Variants in CDH13 observed in about 807,000 individuals in gnomAD.
The protein encoded by CDH13 is cadherin-13.
Under a neutral mutation model 63.8 loss-of-function variants are expected in CDH13, and 24 were observed. The observed-to-expected ratio is 0.38, with a 90% CI of 0.27 to 0.53. The LOEUF is 0.53. CDH13 is among the 20% of genes least tolerant of loss of function. CDH13 has a pLI of 0.85. For synonymous variants in CDH13, 503 were observed against 355.3 expected (o/e 1.42, Z -4.67); for missense variants, 1,049 against 903.1 (o/e 1.16, Z -2.07).
chr16:83,423,590 TA>T (rs2071783928), intron 6 of CDH13, among the ~76,000 whole-genome samples: 1 of 152,304 alleles, frequency 6.6e-6, no homozygotes, highest in South Asian at 2.1e-4. Flanking sequence ...TTCCTATTAT[TA>T]CCTAGGCACA....
intron 3 of CDH13, among the ~76,000 whole-genome samples, chr16:83,116,111 C>G (rs1597365132): frequency 1.3e-5 from 2 of 152,218 alleles, no homozygotes; most frequent in East Asian, 1.9e-4. Context: ...ACAGACAAAA[C>G]TTGGAGTGCG....
chr16:82,639,231 G>T, intron 1 of CDH13: 2 of 500,758 alleles, frequency 4.0e-6, no homozygotes, highest in Admixed American at 3.5e-5. Context: ...CTACTTTTTT[G>T]AGTTCCTAGT....
intron 1 of CDH13, chr16:82,727,623 A>G (rs1245486858): frequency 6.6e-6 from 1 of 152,202 alleles, no homozygotes; most frequent in African/African-American, 2.4e-5. Flanking sequence ...CTCCTTGCTC[A>G]TATCATTTAT....
intron 5 of CDH13, among the ~76,000 whole-genome samples, chr16:83,335,072 A>T (rs891250457): frequency 1.3e-4 from 20 of 152,212 alleles, no homozygotes; most frequent in Admixed American, 1.3e-3. Context: ...TCACTTAAAA[A>T]ATCTTCCAAT....
At chr16:83,115,834 A>G (rs1262269578) in intron 3 of CDH13, among the ~76,000 whole-genome samples, 3 of 152,204 alleles carry the variant, frequency 2.0e-5, no homozygotes, top group South Asian at 2.1e-4. Context: ...ATTTCTCCCT[A>G]TCACTTTTTC....
In CDH13 at chr16:83,780,000, C is replaced by A. The variant is rs1230828921; in HGVS notation, c.1714C>A (p.Leu572Met). 1 of 1,612,972 alleles carries A rather than the reference C, an allele frequency of 6.2e-7. No individual in the cohort carries two copies. The highest frequency in any genetic ancestry group is 1.7e-5 in the Admixed American group (1 of 60,004). ...NPPATGTGTL[L>M]ITLEDVNDNA... ...TCCCGCTACGGGCACTGGGACTTTG[C>A]TGATAACCCTGGAGGACGTGAATGA... The change falls in exon 12 of 14, where the codon CTG becomes ATG. Residue 572 changes from leucine (L) to methionine (M), a missense_variant. Coordinates refer to ENST00000567109, the MANE Select transcript of CDH13 (RefSeq NM_001257.5).
At chr16:82,734,500 C>T (rs1028817431) in intron 1 of CDH13, among the ~76,000 whole-genome samples, 2 of 152,074 alleles carry the variant, frequency 1.3e-5, no homozygotes, top group African/African-American at 4.8e-5. Context: ...ACGTGGGGGC[C>T]ACTGTAGGGG....
chr16:83,315,654 C>G (rs79423581), intron 5 of CDH13, among the ~76,000 whole-genome samples: 1 of 145,564 alleles, frequency 6.9e-6, no homozygotes, highest in South Asian at 2.2e-4. Flanking sequence ...AAAAAAAAAA[C>G]AGCTCTAAGA....
At chr16:82,726,295 C>T (rs2033090796) in intron 1 of CDH13, among the ~76,000 whole-genome samples, 1 of 152,116 alleles carries the variant, frequency 6.6e-6, no homozygotes, top group Non-Finnish European at 1.5e-5. Context: ...AGATCTTCAT[C>T]ACAGCTACTC....
At chr16:83,531,795 C>T (rs900000895) in intron 7 of CDH13, among the ~76,000 whole-genome samples, 3 of 152,284 alleles carry the variant, frequency 2.0e-5, no homozygotes, top group Middle Eastern at 3.4e-3. Context: ...TTAATTTTAG[C>T]ACAGTGAAAT....
intron 5 of CDH13, among the ~76,000 whole-genome samples, chr16:83,323,779 T>A (rs2090294464): frequency 1.3e-5 from 2 of 152,198 alleles, no homozygotes; most frequent in African/African-American, 2.4e-5. Context: ...AGTAGATTCT[T>A]CACTAGCCCA....
chr16:83,288,472 C>A (rs1045051398), intron 5 of CDH13, among the ~76,000 whole-genome samples: 1 of 152,164 alleles, frequency 6.6e-6, no homozygotes, highest in Non-Finnish European at 1.5e-5. Context: ...ATATGAGAGG[C>A]TGATCAAGGT....
intron 4 of CDH13, among the ~76,000 whole-genome samples, chr16:83,200,272 C>G (rs138370066): frequency 1.3e-5 from 2 of 152,320 alleles, no homozygotes; most frequent in African/African-American, 4.8e-5. Flanking sequence ...TTTTCAACCC[C>G]AGGAAGCCTG....
At position 82,941,607 on chromosome 16, in the gene CDH13, C is replaced by G. The variant is rs183758656; in HGVS notation, c.157+83134C>G. ...AGAAAGTTGTATTTGGAGATTGTATCAACTCCCAGTGGAATATTAAACACG... is the reference window on the plus strand; with the variant it reads ...AGAAAGTTGTATTTGGAGATTGTATGAACTCCCAGTGGAATATTAAACACG... On this transcript the variant is annotated intron_variant, in intron 2 of 13. Transcript: ENST00000567109. 4.1e-3 allele frequency among the ~76,000 whole-genome samples: 624 copies of G among 152,232 alleles called. 1 individual carries two copies. Among genetic ancestry groups the G allele is most frequent in the Non-Finnish European group, 6.8e-3 (464 of 68,014 alleles).
intron 2 of CDH13, among the ~76,000 whole-genome samples, chr16:82,863,531 A>G (rs1440620851): frequency 1.3e-5 from 2 of 152,142 alleles, no homozygotes; most frequent in Non-Finnish European, 2.9e-5. Context: ...CACATCCTCC[A>G]AGTTTGAATT....
chr16:83,018,518 C>A (rs1358575650), intron 2 of CDH13, among the ~76,000 whole-genome samples: 1 of 152,204 alleles, frequency 6.6e-6, no homozygotes, highest in Non-Finnish European at 1.5e-5. Context: ...ATAGGTTCCA[C>A]TTGAAAGTAC....
At chr16:82,697,641 G>A (rs2030485050) in intron 1 of CDH13, among the ~76,000 whole-genome samples, 1 of 151,666 alleles carries the variant, frequency 6.6e-6, no homozygotes, top group Non-Finnish European at 1.5e-5. Context: ...TGTAGACCAG[G>A]CTGGTCTCAA....
intron 1 of CDH13, among the ~76,000 whole-genome samples, chr16:82,836,882 G>A (rs1597751110): frequency 6.6e-6 from 1 of 152,152 alleles, no homozygotes; most frequent in South Asian, 2.1e-4. Flanking sequence ...GAGTTATTCA[G>A]TCGGTGAATA....
intron 2 of CDH13, among the ~76,000 whole-genome samples, chr16:83,008,476 G>A (rs73594221): frequency 0.044 from 6,658 of 152,308 alleles, 323 homozygotes; most frequent in African/African-American, 0.12. Flanking sequence ...GGGGCCGAGT[G>A]ACTGAGTGAG....
Sources: gnomAD v4.1 joint callset for allele counts (sites outside exome capture counted in the v4.1 genomes callset) on GRCh38, gnomAD v4.1.1 for gene constraint, MANE v1.5 for transcripts, NCBI Gene and HGNC (gene_info 2026-07-23, HGNC 2026-07-21) for gene names.